Variants in DNAH8 observed in about 807,000 individuals in gnomAD.
The protein encoded by DNAH8 is dynein axonemal heavy chain 8.
Under a neutral mutation model 562.1 loss-of-function variants are expected in DNAH8, and 382 were observed. The ratio of observed to expected loss-of-function variants is 0.68; its 90% confidence interval spans 0.63 to 0.74. The LOEUF is 0.74. DNAH8 is among the 30% of genes least tolerant of loss of function. The pLI, the probability that DNAH8 is intolerant of heterozygous loss-of-function variation, is 0.00. For missense variants in DNAH8, 5,203 were observed against 5,620.4 expected (o/e 0.93, Z 2.37); for synonymous variants, 1,881 against 1,919.4 (o/e 0.98, Z 0.52).
At chr6:38,941,508 T>C (rs1160003008) in intron 79 of DNAH8, among the ~76,000 whole-genome samples, 1 of 152,214 alleles carries the variant, frequency 6.6e-6, no homozygotes, top group African/African-American at 2.4e-5. Context: ...TCATATTTTT[T>C]TCACAGGTCT....
In DNAH8 at chr6:38,868,069, A is replaced by G. The variant is rs1330491220; in HGVS notation, c.6701A>G (p.Tyr2234Cys). 6.8e-6 allele frequency: 11 copies of G among 1,607,702 alleles called. No individual in the cohort carries two copies. Among genetic ancestry groups the G allele is most frequent in the Non-Finnish European group, 9.3e-6 (11 of 1,178,496 alleles). ...CEEQLTKQVH[Y>C]DFGLRNILSV... ...CCTCTTCTCCCATCTCAGGTTCATT[A>G]TGACTTTGGATTGAGAAATATTCTG... Residue 2234 changes from tyrosine to cysteine, a missense_variant, in exon 48 of 93, where the codon TAT (tyrosine) becomes TGT (cysteine). This residue lies in a region of DNAH8 where 2,176 missense variants were observed against 2,365.1 expected (regional missense o/e 0.92). Transcript: ENST00000327475.
intron 57 of DNAH8, among the ~76,000 whole-genome samples, chr6:38,889,794 A>T (rs554437308): frequency 6.6e-6 from 1 of 152,174 alleles, no homozygotes; most frequent in Non-Finnish European, 1.5e-5. Flanking sequence ...GGAAAATTTC[A>T]TGTTTCCCCA....
intron 43 of DNAH8, among the ~76,000 whole-genome samples, chr6:38,861,779 A>G (rs6458077): frequency 0.42 from 64,058 of 151,818 alleles, 14,147 homozygotes; most frequent in East Asian, 0.69. Context: ...TGATCCGCCC[A>G]CCTCAGCTTC....
intron 82 of DNAH8, among the ~76,000 whole-genome samples, chr6:38,961,327 A>G (rs1762590715): frequency 6.6e-6 from 1 of 152,040 alleles, no homozygotes; most frequent in South Asian, 2.1e-4. Flanking sequence ...AATGAAAATT[A>G]TGTTGTGACG....
Position 38,857,654 on chromosome 6 carries a change from C to A in DNAH8, c.5870C>A (p.Thr1957Lys). 6.2e-7 allele frequency: 1 copy of A among 1,613,544 alleles called. No individual in the cohort carries two copies. The highest frequency in any genetic ancestry group is 2.2e-5 in the East Asian group (1 of 44,816). The stretch of plus-strand genomic sequence containing the variant: ...ATTCTAAATACTCTCATTAGTCAGA[C>A]AACACATGATCTAAGCAAGTTTGAT... ...LDILNTLISQ[T>K]THDLSKFDRV... The change falls in exon 42 of 93, where the codon ACA (threonine) becomes AAA (lysine). Residue 1957 changes from threonine to lysine, a missense_variant. By Grantham distance (78) the Thr-to-Lys change is moderately conservative (BLOSUM62 -1). Around this residue, in one of 6 missense-constraint regions of DNAH8, gnomAD observed 2,176 missense variants for 2,365.1 expected, o/e 0.92. Coordinates refer to ENST00000327475, the MANE Select transcript of DNAH8 (RefSeq NM_001206927.2).
At chr6:38,801,948 A>G (rs4714186) in intron 21 of DNAH8, among the ~76,000 whole-genome samples, 19,564 of 128,760 alleles carry the variant, frequency 0.15, 1,541 homozygotes, top group East Asian at 0.39. Flanking sequence ...GCTCCTATGT[A>G]CATTTTTTTT....
At chr6:38,986,126 T>C (rs1421430680) in intron 87 of DNAH8, among the ~76,000 whole-genome samples, 1 of 152,230 alleles carries the variant, frequency 6.6e-6, no homozygotes, top group East Asian at 1.9e-4. Context: ...CCTGAGTATA[T>C]GTCCCAGAGA....
At chr6:38,767,510 G>T (rs1208169066) in intron 11 of DNAH8, among the ~76,000 whole-genome samples, 1 of 150,940 alleles carries the variant, frequency 6.6e-6, no homozygotes, top group Non-Finnish European at 1.5e-5. Flanking sequence ...CTCTCTTTAT[G>T]AATTTGCCTA....
In DNAH8 at chr6:38,937,251, T is replaced by C. The variant is rs559147203; in HGVS notation, c.11564-723T>C. ...GGATAGCGTTAGGAGAAATACCTAA[T>C]GTAAATGACAAGTTGATGGGTGCAG... On this transcript the variant is annotated intron_variant, in intron 77 of 92. Coordinates refer to ENST00000327475, the MANE Select transcript of DNAH8 (RefSeq NM_001206927.2). 5.9e-5 allele frequency among the ~76,000 whole-genome samples: 9 copies of C among 151,828 alleles called. No homozygotes were observed. The South Asian group carries it at 1.9e-3, about 32-fold the overall frequency.
At chr6:39,022,015 A>G (rs1766947374) in intron 91 of DNAH8, among the ~76,000 whole-genome samples, 1 of 152,250 alleles carries the variant, frequency 6.6e-6, no homozygotes, top group Admixed American at 6.5e-5. Flanking sequence ...GATTACTACT[A>G]TTATAGGAAT....
At chr6:38,790,162 A>G (rs1769581479) in intron 19 of DNAH8, 127 bp from the exon 20 acceptor site, 1 of 718,252 alleles carries the variant, frequency 1.4e-6, no homozygotes, top group African/African-American at 1.8e-5. Context: ...CATCTTTATT[A>G]GGTGTAATAG....
At chr6:38,920,173 G>A (rs1781597740) in intron 70 of DNAH8, among the ~76,000 whole-genome samples, 1 of 152,042 alleles carries the variant, frequency 6.6e-6, no homozygotes, top group Admixed American at 6.6e-5. Context: ...GAGTGCAGTG[G>A]TGCAATCATA....
intron 41 of DNAH8, among the ~76,000 whole-genome samples, chr6:38,855,032 C>T (rs9369087): frequency 0.41 from 60,070 of 147,856 alleles, 13,379 homozygotes; most frequent in East Asian, 0.84. Context: ...AATATATTCA[C>T]ATAAGTATAT....
chr6:38,852,408 CGGT>C lies in DNAH8; in HGVS notation c.5467-284_5467-282del, dbSNP rs1446041115. 2.0e-5 allele frequency among the ~76,000 whole-genome samples: 3 copies of C among 151,816 alleles called. No individual in the cohort carries two copies. The East Asian group carries it at 5.8e-4, about 29-fold the overall frequency. ...ATCTGTCGGGGGAGGAGGGGGGAGG[CGGT>C]GTGGTCCAGTCCCCATCTGGTGGAA... On this transcript the variant is annotated intron_variant, in intron 39 of 92. Coordinates refer to ENST00000327475, the MANE Select transcript of DNAH8 (RefSeq NM_001206927.2).
intron 84 of DNAH8, 93 bp from the exon 85 acceptor site, chr6:38,974,281 C>A: frequency 9.7e-7 from 1 of 1,025,644 alleles, no homozygotes. Context: ...CCAAGCATTT[C>A]AGATAAAGGA....
At chr6:38,850,452 T>A (rs1171269398) in intron 38 of DNAH8, 38 bp downstream of exon 38, 1 of 1,578,600 alleles carries the variant, frequency 6.3e-7, no homozygotes, top group African/African-American at 1.3e-5. Context: ...TCATTTTGTA[T>A]GTGACAGTGT....
At chr6:38,815,421 G>GA in intron 25 of DNAH8, 47 bp from the exon 26 acceptor site, 3 of 1,476,810 alleles carry the variant, frequency 2.0e-6, no homozygotes, top group Non-Finnish European at 2.8e-6. Context: ...TTGAGGGATG[G>GA]ACTGTATGTG....
At chr6:38,836,502 C>A (rs1211402231) in intron 32 of DNAH8, among the ~76,000 whole-genome samples, 24 of 123,858 alleles carry the variant, frequency 1.9e-4, no homozygotes, top group Admixed American at 2.7e-4. Flanking sequence ...ACAACAACAA[C>A]AAAAAAACCA....
chr6:38,943,465 A>T (rs1174536757), intron 79 of DNAH8, among the ~76,000 whole-genome samples: 1 of 149,776 alleles, frequency 6.7e-6, no homozygotes, highest in Admixed American at 6.6e-5. Flanking sequence ...GAAATGTTTG[A>T]TTTCCCAAGA....
Sources: gnomAD v4.1 joint callset for allele counts (sites outside exome capture counted in the v4.1 genomes callset) on GRCh38, gnomAD v4.1.1 for gene constraint, gnomAD v4.1.1 regional missense constraint, MANE v1.5 for transcripts, NCBI Gene and HGNC (gene_info 2026-07-23, HGNC 2026-07-21) for gene names.